PTPRT: variants seen among roughly 807,000 people sequenced by gnomAD.
PTPRT encodes the protein receptor-type tyrosine-protein phosphatase T.
A neutral mutation model predicts 176.8 loss-of-function variants in PTPRT; 56 were observed. The ratio of observed to expected loss-of-function variants is 0.32; its 90% CI spans 0.26 to 0.40. PTPRT has a LOEUF of 0.40. Ranked by LOEUF, PTPRT falls within the 10% of genes least tolerant of loss-of-function variation. The pLI is 1.00. For missense variants in PTPRT, 1,540 were observed against 1,908.2 expected, an observed-to-expected ratio of 0.81 and a Z score of 3.60; for synonymous variants, 783 against 739.0, an observed-to-expected ratio of 1.06 and a Z score of -0.96.
chr20:42,492,845 G>A (rs6102859), intron 7 of PTPRT, among the ~76,000 whole-genome samples: 25,042 of 152,094 alleles, frequency 0.16, 5,085 homozygotes, highest in African/African-American at 0.48. Flanking sequence ...GTGCTCAAAA[G>A]AATGACTTTC....
intron 12 of PTPRT, among the ~76,000 whole-genome samples, chr20:42,296,628 T>C (rs938352141): frequency 6.6e-6 from 1 of 152,122 alleles, no homozygotes; most frequent in Admixed American, 6.6e-5. Flanking sequence ...AGTTGAGATA[T>C]CTCAGTCATA....
Position 42,324,262 on chromosome 20 carries a change from C to T in PTPRT, c.1866-8266G>A, listed in dbSNP as rs185483244. Among the ~76,000 whole-genome samples, 22 of 152,162 alleles carry T rather than the reference C, an allele frequency of 1.4e-4. No individual in the cohort carries two copies. In the East Asian group the frequency reaches 3.3e-3, roughly 23 times the overall value. On this transcript the variant is annotated intron_variant, in intron 11 of 30. Transcript: ENST00000373187. Reference sequence around the variant, plus strand: ...ATTATGCTAAATGAGAGAAATAAGACGTAGAAGACTACATATTGTATGATT... The same window carrying T: ...ATTATGCTAAATGAGAGAAATAAGATGTAGAAGACTACATATTGTATGATT...
intron 11 of PTPRT, among the ~76,000 whole-genome samples, chr20:42,331,626 C>A (rs1316444874): frequency 6.6e-6 from 1 of 152,014 alleles, no homozygotes; most frequent in Non-Finnish European, 1.5e-5. Flanking sequence ...AAGACGTAAC[C>A]TACTGTTGAG....
chr20:42,726,107 T>G (rs925261406), intron 6 of PTPRT, among the ~76,000 whole-genome samples: 5 of 149,180 alleles, frequency 3.4e-5, no homozygotes, highest in African/African-American at 1.2e-4. Context: ...TAGACTGAGT[T>G]TTGCTGTTTT....
chr20:42,147,639 G>C (rs1988930759), intron 17 of PTPRT, among the ~76,000 whole-genome samples: 1 of 152,184 alleles, frequency 6.6e-6, no homozygotes, highest in Admixed American at 6.5e-5. Context: ...TGCCTTCCAG[G>C]AGACACCCCA....
At chr20:42,817,286 G>A (rs1468815670) in intron 2 of PTPRT, among the ~76,000 whole-genome samples, 1 of 151,620 alleles carries the variant, frequency 6.6e-6, no homozygotes, top group Non-Finnish European at 1.5e-5. Context: ...GGATCTGAAA[G>A]GCAGAGAAGC....
intron 1 of PTPRT, among the ~76,000 whole-genome samples, chr20:43,158,039 C>CT (rs1555839996): frequency 6.6e-6 from 1 of 152,150 alleles, no homozygotes; most frequent in African/African-American, 2.4e-5. Context: ...TCTGTCAAGA[C>CT]AAGGCAGAAG....
intron 1 of PTPRT, among the ~76,000 whole-genome samples, chr20:43,042,028 T>G (rs1315564404): frequency 6.6e-6 from 1 of 152,210 alleles, no homozygotes; most frequent in Non-Finnish European, 1.5e-5. Flanking sequence ...AATCTGATGT[T>G]CAGAAAGTTC....
intron 9 of PTPRT, among the ~76,000 whole-genome samples, chr20:42,423,496 T>C (rs6030215): frequency 0.83 from 126,928 of 152,140 alleles, 53,113 homozygotes; most frequent in Admixed American, 0.86. Context: ...CCCTCACTGG[T>C]CTCAGCCTTC....
intron 16 of PTPRT, among the ~76,000 whole-genome samples, chr20:42,194,753 C>T (rs755136803): frequency 3.9e-5 from 6 of 152,138 alleles, no homozygotes; most frequent in African/African-American, 7.2e-5. Flanking sequence ...AAATGTGACA[C>T]GTACTCCTTT....
Position 42,978,641 on chromosome 20 carries a change from G to A in PTPRT, c.89-92709C>T, listed in dbSNP as rs572289062. Among the ~76,000 whole-genome samples, 117 of 152,192 alleles carry A rather than the reference G, an allele frequency of 7.7e-4. 1 individual carries two copies. The highest frequency in any genetic ancestry group is 2.7e-3 in the African/African-American group (111 of 41,514). The stretch of plus-strand genomic sequence containing the variant: ...AAGTTACAGGATGAGATAGGAGGTC[G>A]GCACAAGATACAGGTCATAAAGACC... On this transcript the variant is annotated intron_variant, in intron 1 of 30. Coordinates refer to ENST00000373187, the MANE Select transcript of PTPRT (RefSeq NM_007050.6).
Position 42,947,400 on chromosome 20 carries a change from C to T in PTPRT, c.89-61468G>A, listed in dbSNP as rs557520951. Among the ~76,000 whole-genome samples, 7 of 152,218 alleles carry T rather than the reference C, an allele frequency of 4.6e-5. 1 individual carries two copies. Among genetic ancestry groups the T allele is most frequent in the African/African-American group, 1.4e-4 (6 of 41,526 alleles). On this transcript the variant is annotated intron_variant, in intron 1 of 30. Transcript: ENST00000373187. Reference sequence around the variant, plus strand: ...GTCACTGAAGAAAAGGGAAGGGGTCCCCTTCCTCTCATCTCTGGATGGCAG... The same window carrying T: ...GTCACTGAAGAAAAGGGAAGGGGTCTCCTTCCTCTCATCTCTGGATGGCAG...
At position 43,189,622 on chromosome 20, in the gene PTPRT, G is replaced by A; in HGVS notation, c.88+24C>T. On this transcript the variant is annotated intron_variant, in intron 1 of 30. Transcript: ENST00000373187. The surrounding 1 kb of genome is among the most constrained non-coding windows in gnomAD (Gnocchi z 5.0). ...CATCCAGGAGGGAGCGGGGAGCCCA[G>A]GGGAGCCGGGCGGGCGCACTCACCT... 8.1e-7 allele frequency: 1 copy of A among 1,239,636 alleles called. No homozygotes were observed. Among genetic ancestry groups the A allele is most frequent in the Non-Finnish European group, 1.0e-6 (1 of 990,512 alleles). The allele number at this position is 1,239,636 out of a possible 1,614,324, so 76.8% of individuals were successfully genotyped here. A position where few individuals can be genotyped will look rare whatever the true frequency, so the allele number is the denominator to read the frequency against.
In PTPRT at chr20:42,591,402, G is replaced by C. The variant is rs1031366490; in HGVS notation, c.1153+86464C>G. On this transcript the variant is annotated intron_variant, in intron 7 of 30. Coordinates refer to ENST00000373187, the MANE Select transcript of PTPRT (RefSeq NM_007050.6). ...TCTATAGCTTCTTGAACCTCTTACA[G>C]AGGGCCTGAAACAGAGTAGATGTTT... Among the ~76,000 whole-genome samples the C allele has an allele frequency of 3.3e-5, 5 of 152,138 alleles. 1 individual carries two copies. Among genetic ancestry groups the C allele is most frequent in the Non-Finnish European group, 5.9e-5 (4 of 68,030 alleles).
chr20:42,700,837 C>T (rs775813558), intron 6 of PTPRT, among the ~76,000 whole-genome samples: 39 of 151,958 alleles, frequency 2.6e-4, no homozygotes, highest in Non-Finnish European at 4.7e-4. Flanking sequence ...TTTTTAGGAG[C>T]GTAATGTTAA....
At chr20:42,931,754 A>G (rs761027) in intron 1 of PTPRT, among the ~76,000 whole-genome samples, 109,497 of 152,060 alleles carry the variant, frequency 0.72, 39,557 homozygotes, top group East Asian at 0.86. Flanking sequence ...AGTATTTGTC[A>G]AAGGATTGAC....
At chr20:42,081,519 G>T (rs890143498) in intron 30 of PTPRT, among the ~76,000 whole-genome samples, 4 of 152,148 alleles carry the variant, frequency 2.6e-5, no homozygotes, top group African/African-American at 7.2e-5. Flanking sequence ...GCTCTCTATT[G>T]TAAAAATTAC....
chr20:42,043,746 T>C, the PTPRT span, among the ~76,000 whole-genome samples: 1 of 152,216 alleles, frequency 6.6e-6, no homozygotes, highest in Non-Finnish European at 1.5e-5. Flanking sequence ...TCTTTACCAA[T>C]ATACAAGACA....
intron 16 of PTPRT, among the ~76,000 whole-genome samples, chr20:42,176,009 T>C (rs183207313): frequency 1.3e-5 from 2 of 152,316 alleles, no homozygotes; most frequent in East Asian, 1.9e-4. Context: ...TATATGTATA[T>C]TCCTGAACAT....
Sources: allele counts gnomAD v4.1 joint callset (sites outside exome capture counted in the v4.1 genomes callset), GRCh38; gene constraint gnomAD v4.1.1; non-coding constraint Gnocchi (gnomAD v3.1); transcripts MANE v1.5; gene names NCBI Gene and HGNC (gene_info 2026-07-23, HGNC 2026-07-21).